CNGB3: variants seen among roughly 807,000 people sequenced by gnomAD.
CNGB3 encodes the protein cyclic nucleotide-gated channel beta-3.
In CNGB3, 86 loss-of-function variants were observed where a neutral mutation model predicts 92.8. That is an observed-to-expected ratio of 0.93 (90% CI 0.78 to 1.11). The LOEUF (loss-of-function observed/expected upper bound fraction) is 1.11, where lower values mean the gene tolerates loss of function less well. CNGB3 is among the 50% of genes least tolerant of loss of function. The probability of loss-of-function intolerance (pLI) is 0.00; values close to 1 mark genes in which losing one functional copy is unlikely to be tolerated. For missense variants in CNGB3, 1,026 were observed against 956.8 expected (o/e 1.07, Z -0.95); for synonymous variants, 333 against 332.7 (o/e 1.00, Z -0.01).
In CNGB3 at chr8:86,739,346, A is replaced by G. The variant is rs1250126958; in HGVS notation, c.211+309T>C. On this transcript the variant is annotated intron_variant, in intron 2 of 17. Coordinates refer to ENST00000320005, the MANE Select transcript of CNGB3 (RefSeq NM_019098.5). Reference sequence around the variant, plus strand: ...TTCACAATATGCTTACTTATCTATGATGTGTTTCTTTAGACTACAAGCTCT... The same window carrying G: ...TTCACAATATGCTTACTTATCTATGGTGTGTTTCTTTAGACTACAAGCTCT... Among the ~76,000 whole-genome samples the G allele has an allele frequency of 2.0e-5, 3 of 152,236 alleles. No individual in the cohort carries two copies. The East Asian group carries it at 5.8e-4, about 29-fold the overall frequency.
intron 15 of CNGB3, among the ~76,000 whole-genome samples, chr8:86,599,880 A>G (rs908393451): frequency 1.3e-5 from 2 of 151,968 alleles, no homozygotes; most frequent in Admixed American, 1.3e-4. Context: ...GTGATATTCT[A>G]TTACCTTGTG....
chr8:86,683,488 T>G (rs1397869606), intron 3 of CNGB3, among the ~76,000 whole-genome samples: 1 of 152,220 alleles, frequency 6.6e-6, no homozygotes, highest in African/African-American at 2.4e-5. Context: ...TGATAACTGC[T>G]GAAACTCAGC....
At chr8:86,657,277 G>C (rs188625408) in intron 6 of CNGB3, 1 of 275,468 alleles carries the variant, frequency 3.6e-6, no homozygotes, top group Non-Finnish European at 7.2e-6. Flanking sequence ...GTCTTACCTT[G>C]CTCCTCTAAG....
intron 3 of CNGB3, among the ~76,000 whole-genome samples, chr8:86,724,632 T>C (rs1361007487): frequency 1.3e-5 from 2 of 152,052 alleles, no homozygotes; most frequent in African/African-American, 4.8e-5. Context: ...GATAATCATA[T>C]AAAATGCATC....
intron 12 of CNGB3, among the ~76,000 whole-genome samples, chr8:86,627,341 A>T (rs1159405642): frequency 6.6e-6 from 1 of 152,106 alleles, no homozygotes; most frequent in East Asian, 1.9e-4. Flanking sequence ...CTGCCTGCCC[A>T]CTTCAGATGC....
intron 15 of CNGB3, chr8:86,594,384 A>G (rs796130738): frequency 8.6e-5 from 26 of 301,978 alleles, no homozygotes; most frequent in African/African-American, 5.9e-4. Flanking sequence ...ATTTTCTTGT[A>G]GGAAAAGTCC....
intron 15 of CNGB3, among the ~76,000 whole-genome samples, chr8:86,592,445 A>G (rs564127257): frequency 6.6e-6 from 1 of 152,280 alleles, no homozygotes; most frequent in Admixed American, 6.5e-5. Context: ...ACACATAATA[A>G]TTTTCAATCT....
At chr8:86,609,050 A>C (rs994284754) in intron 14 of CNGB3, among the ~76,000 whole-genome samples, 1 of 151,990 alleles carries the variant, frequency 6.6e-6, no homozygotes. Context: ...TCTCCCACCT[A>C]CTTAATTCCT....
At position 86,583,872 on chromosome 8, in the gene CNGB3, T is replaced by A. The variant is rs190592197; in HGVS notation, c.1782-4620A>T. Among the ~76,000 whole-genome samples the A allele has an allele frequency of 3.5e-4, 45 of 130,316 alleles. No individual in the cohort carries two copies. The Admixed American group carries it at 3.5e-3, about 10-fold the overall frequency. The allele number at this position is 130,316 out of a possible 152,430, so 85.5% of individuals were successfully genotyped here. On this transcript the variant is annotated intron_variant, in intron 15 of 17. Coordinates refer to ENST00000320005, the MANE Select transcript of CNGB3 (RefSeq NM_019098.5). Reference sequence around the variant, plus strand: ...GAGGTTGAGGCTGCAGCAAGAGCCATGGTCACACCAATACACTCCAGACTG... The same window carrying A: ...GAGGTTGAGGCTGCAGCAAGAGCCAAGGTCACACCAATACACTCCAGACTG...
chr8:86,579,270 G>T lies in CNGB3; in HGVS notation c.1782-18C>A, dbSNP rs1242010899. 1 of 1,613,264 alleles carries T rather than the reference G, an allele frequency of 6.2e-7. No homozygotes were observed. Among genetic ancestry groups the T allele is most frequent in the Non-Finnish European group, 8.5e-7 (1 of 1,179,826 alleles). ...CTAGAAGGCTGTAAGAGAGAAAAAT[G>T]AGTCTTTGCCACCAGTTTCAGTTTT... is the stretch of plus-strand genomic sequence containing the variant. On this transcript the variant is annotated intron_variant, in intron 15 of 17. Coordinates refer to ENST00000320005, the MANE Select transcript of CNGB3 (RefSeq NM_019098.5).
intron 3 of CNGB3, among the ~76,000 whole-genome samples, chr8:86,693,421 TTA>T (rs1008363962): frequency 1.2e-4 from 16 of 128,664 alleles, no homozygotes; most frequent in East Asian, 2.2e-4. Context: ...TCATTTTTTT[TTA>T]TTATTATTAT....
At chr8:86,729,225 G>T (rs1336204700) in intron 2 of CNGB3, among the ~76,000 whole-genome samples, 1 of 152,102 alleles carries the variant, frequency 6.6e-6, no homozygotes, top group Non-Finnish European at 1.5e-5. Flanking sequence ...AAGCCACATG[G>T]ATATAAGCTG....
chr8:86,710,146 C>A (rs1368963768), intron 3 of CNGB3, among the ~76,000 whole-genome samples: 1 of 152,164 alleles, frequency 6.6e-6, no homozygotes, highest in Non-Finnish European at 1.5e-5. Context: ...TCCAACCTGG[C>A]CACCACAGAT....
intron 14 of CNGB3, among the ~76,000 whole-genome samples, chr8:86,607,780 T>G (rs111627637): frequency 1.7e-3 from 256 of 152,316 alleles, no homozygotes; most frequent in Non-Finnish European, 3.1e-3. Flanking sequence ...GGGGATTAAG[T>G]AGGTCAGCAA....
intron 8 of CNGB3, among the ~76,000 whole-genome samples, chr8:86,645,167 A>G (rs1823272753): frequency 6.6e-6 from 1 of 151,330 alleles, no homozygotes; most frequent in Admixed American, 6.6e-5. Context: ...AAAGTTCAGT[A>G]AGTATTAGCA....
intron 3 of CNGB3, among the ~76,000 whole-genome samples, chr8:86,675,873 AG>A (rs1823956889): frequency 6.6e-6 from 1 of 152,210 alleles, no homozygotes; most frequent in Admixed American, 6.5e-5. Context: ...TCAGAGGCAC[AG>A]GCCAACAAAA....
chr8:86,727,527 A>C lies in CNGB3; in HGVS notation c.212-870T>G, dbSNP rs115559401. 3.9e-3 allele frequency among the ~76,000 whole-genome samples: 596 copies of C among 152,290 alleles called. 7 individuals are homozygous for C. The highest frequency in any genetic ancestry group is 0.014 in the African/African-American group (566 of 41,584). ...TAGCTTTATTTTCAATACAGAAATT[A>C]ATTTCTTCCCGTCAAGCCTACAGAT... On this transcript the variant is annotated intron_variant, in intron 2 of 17. Transcript: ENST00000320005.
intron 15 of CNGB3, among the ~76,000 whole-genome samples, chr8:86,603,096 A>T (rs1822340802): frequency 6.6e-6 from 1 of 152,170 alleles, no homozygotes; most frequent in Admixed American, 6.5e-5. Flanking sequence ...GTCAAATATT[A>T]TCTCCCTAGA....
chr8:86,638,514 T>C (rs1353889190), intron 10 of CNGB3, among the ~76,000 whole-genome samples: 1 of 152,138 alleles, frequency 6.6e-6, no homozygotes, highest in Admixed American at 6.6e-5. Context: ...CCTTCCTAAC[T>C]ACCTCAATCC....
Sources: allele counts gnomAD v4.1 joint callset (sites outside exome capture counted in the v4.1 genomes callset), GRCh38; gene constraint gnomAD v4.1.1; transcripts MANE v1.5; gene names NCBI Gene and HGNC (gene_info 2026-07-23, HGNC 2026-07-21).